RFX3: variants seen among roughly 807,000 people sequenced by gnomAD.
The protein encoded by RFX3 is regulatory factor X3.
Under a neutral mutation model 98.6 loss-of-function variants are expected in RFX3, and 14 were observed. That is an observed-to-expected ratio of 0.14 (90% confidence interval 0.09 to 0.22). The LOEUF is 0.22. Ranked by LOEUF, RFX3 falls within the 10% of genes least tolerant of loss-of-function variation. RFX3 has a pLI of 1.00. For synonymous variants in RFX3, 383 were observed against 328.4 expected (o/e 1.17, Z -1.80); for missense variants, 639 against 926.9 (o/e 0.69, Z 4.03).
At chr9:3,506,109 C>G (rs528199834) in intron 1 of RFX3, among the ~76,000 whole-genome samples, 3 of 151,310 alleles carry the variant, frequency 2.0e-5, no homozygotes, top group African/African-American at 4.9e-5. Flanking sequence ...ACTTCACAAA[C>G]GGCACTAAAT....
intron 4 of RFX3, among the ~76,000 whole-genome samples, chr9:3,321,438 G>A (rs1161115540): frequency 2.0e-5 from 3 of 152,108 alleles, no homozygotes; most frequent in Non-Finnish European, 4.4e-5. Flanking sequence ...ACTTGGCAAG[G>A]CTTACCAACC....
Position 3,234,089 on chromosome 9 carries a change from T to A in RFX3, c.1969-5200A>T, listed in dbSNP as rs376459552. On this transcript the variant is annotated intron_variant, in intron 15 of 16. Transcript: ENST00000617270. ...CTCTCTGTCTCTTTCTCTATTTATA[T>A]GTCCAAGTCTAATATCACTATGTTA... Among the ~76,000 whole-genome samples, 3 of 152,326 alleles carry A rather than the reference T, an allele frequency of 2.0e-5. No individual in the cohort carries two copies. The East Asian group carries it at 5.8e-4, about 29-fold the overall frequency.
chr9:3,382,082 A>G (rs77554761), intron 2 of RFX3, among the ~76,000 whole-genome samples: 2,690 of 152,064 alleles, frequency 0.018, 84 homozygotes, highest in African/African-American at 0.061. Flanking sequence ...CACTCAGGCT[A>G]GAGATGTAGT....
intron 1 of RFX3, among the ~76,000 whole-genome samples, chr9:3,423,364 G>C (rs1424256907): frequency 6.6e-6 from 1 of 152,072 alleles, no homozygotes; most frequent in Admixed American, 6.5e-5. Context: ...GTTCATAATA[G>C]CTAAAACTGA....
chr9:3,376,410 T>C (rs1838499625), intron 2 of RFX3, among the ~76,000 whole-genome samples: 1 of 152,144 alleles, frequency 6.6e-6, no homozygotes, highest in African/African-American at 2.4e-5. Flanking sequence ...ACCTAAATGT[T>C]CAACAATAGG....
At chr9:3,387,830 A>G (rs1331266821) in intron 2 of RFX3, among the ~76,000 whole-genome samples, 1 of 152,118 alleles carries the variant, frequency 6.6e-6, no homozygotes, top group Non-Finnish European at 1.5e-5. Flanking sequence ...GTCTCAAATG[A>G]AAAGAATTCT....
At chr9:3,480,724 A>G (rs772522659) in intron 1 of RFX3, among the ~76,000 whole-genome samples, 1 of 152,198 alleles carries the variant, frequency 6.6e-6, no homozygotes, top group African/African-American at 2.4e-5. Context: ...CTTAAAAGCC[A>G]TATGACCTTA....
intron 16 of RFX3, 129 bp downstream of exon 16, chr9:3,228,718 C>A: frequency 4.6e-6 from 3 of 652,876 alleles, no homozygotes; most frequent in South Asian, 2.8e-5. Flanking sequence ...ACAGGAGTTT[C>A]CTATTTATCT....
At chr9:3,364,093 C>T (rs1406314520) in intron 2 of RFX3, among the ~76,000 whole-genome samples, 1 of 152,188 alleles carries the variant, frequency 6.6e-6, no homozygotes, top group African/African-American at 2.4e-5. Context: ...GCAGGATGGT[C>T]TTCATCTCCT....
intron 7 of RFX3, among the ~76,000 whole-genome samples, chr9:3,287,433 G>C (rs548671514): frequency 2.0e-5 from 3 of 152,066 alleles, no homozygotes; most frequent in East Asian, 1.9e-4. Flanking sequence ...CATGGGACTA[G>C]AAGGCCCTTA....
At chr9:3,398,568 C>G (rs1166036965) in intron 1 of RFX3, among the ~76,000 whole-genome samples, 1 of 152,132 alleles carries the variant, frequency 6.6e-6, no homozygotes, top group Non-Finnish European at 1.5e-5. Flanking sequence ...GTTTAGTGTA[C>G]AGATGAGGAA....
At chr9:3,258,852 AT>A (rs1563815109) in intron 13 of RFX3, among the ~76,000 whole-genome samples, 1 of 150,956 alleles carries the variant, frequency 6.6e-6, no homozygotes, top group Non-Finnish European at 1.5e-5. Context: ...TTTTAAATAT[AT>A]ATTTGTATTA....
intron 15 of RFX3, among the ~76,000 whole-genome samples, chr9:3,232,744 A>G (rs1055413636): frequency 6.7e-6 from 1 of 149,876 alleles, no homozygotes; most frequent in Admixed American, 6.6e-5. Flanking sequence ...TAGATTTGAG[A>G]CCAGATATTC....
chr9:3,262,914 C>T (rs1362870445), intron 13 of RFX3, 21 bp downstream of exon 13: 3 of 1,609,212 alleles, frequency 1.9e-6, no homozygotes, highest in South Asian at 2.2e-5. Context: ...AAGAGACATG[C>T]TTTGCAAGGA....
chr9:3,425,638 C>T (rs751483323), intron 1 of RFX3, among the ~76,000 whole-genome samples: 2 of 152,136 alleles, frequency 1.3e-5, no homozygotes, highest in East Asian at 3.9e-4. Flanking sequence ...TATATTCATA[C>T]TGCTTGGGGT....
At chr9:3,374,329 T>C (rs1054605701) in intron 2 of RFX3, among the ~76,000 whole-genome samples, 9 of 152,136 alleles carry the variant, frequency 5.9e-5, no homozygotes, top group Non-Finnish European at 1.0e-4. Flanking sequence ...TCTCAGTATA[T>C]ACTCAAAATA....
At chr9:3,347,061 C>G (rs781352918) in intron 2 of RFX3, among the ~76,000 whole-genome samples, 23 of 152,152 alleles carry the variant, frequency 1.5e-4, no homozygotes, top group Non-Finnish European at 7.4e-5. Context: ...TGGCTTACTC[C>G]TGTAATCCTA....
chr9:3,314,456 T>A (rs868392374), intron 4 of RFX3, among the ~76,000 whole-genome samples: 1 of 152,128 alleles, frequency 6.6e-6, no homozygotes, highest in African/African-American at 2.4e-5. Context: ...AGGAAGAAAC[T>A]GCATCAACTA....
chr9:3,369,911 G>C (rs1016220469), intron 2 of RFX3, among the ~76,000 whole-genome samples: 3 of 151,806 alleles, frequency 2.0e-5, no homozygotes, highest in Non-Finnish European at 4.4e-5. Context: ...CTCACTGCAA[G>C]CTCCGCCCTC....
Sources: allele counts gnomAD v4.1 joint callset (sites outside exome capture counted in the v4.1 genomes callset), GRCh38; gene constraint gnomAD v4.1.1; transcripts MANE v1.5; gene names NCBI Gene and HGNC (gene_info 2026-07-23, HGNC 2026-07-21).